KCNG3: variants seen among roughly 807,000 people sequenced by gnomAD.
KCNG3 encodes potassium voltage-gated channel modifier subfamily G member 3, also known as voltage-gated potassium channel regulatory subunit KCNG3.
In KCNG3, 15 loss-of-function variants were observed where a neutral mutation model predicts 29.0. The ratio of observed to expected loss-of-function variants is 0.52; its 90% CI spans 0.35 to 0.80. KCNG3 has a LOEUF of 0.80. Ranked by LOEUF, KCNG3 falls within the 30% of genes least tolerant of loss-of-function variation. The pLI, the probability that KCNG3 is intolerant of heterozygous loss-of-function variation, is 0.01. For missense variants in KCNG3, 512 were observed against 605.7 expected, an observed-to-expected ratio of 0.85 and a Z score of 1.62; for synonymous variants, 322 against 248.9, an observed-to-expected ratio of 1.29 and a Z score of -2.76.
At chr2:42,400,060 G>C in the KCNG3 span, among the ~76,000 whole-genome samples, 1 of 152,172 alleles carries the variant, frequency 6.6e-6, no homozygotes, top group Non-Finnish European at 1.5e-5. Flanking sequence ...AGTGAGCCAT[G>C]ATCACACCAC....
At chr2:42,420,090 G>A in the KCNG3 span, among the ~76,000 whole-genome samples, 1 of 152,166 alleles carries the variant, frequency 6.6e-6, no homozygotes. Context: ...CGGGCATGGT[G>A]GCGGGCCCCT....
chr2:42,450,401 T>C (rs1291973089), intron 1 of KCNG3, among the ~76,000 whole-genome samples: 1 of 152,142 alleles, frequency 6.6e-6, no homozygotes, highest in Non-Finnish European at 1.5e-5. Context: ...CTGCCAAAAT[T>C]CCTCATGTTT....
chr2:42,493,176 T>G lies in KCNG3; in HGVS notation c.326A>C (p.Glu109Ala). 1 of 1,608,990 alleles carries G rather than the reference T, an allele frequency of 6.2e-7. No individual in the cohort carries two copies. Among genetic ancestry groups the G allele is most frequent in the Non-Finnish European group, 8.5e-7 (1 of 1,179,772 alleles). Residue 109 changes from glutamate (E) to alanine (A), a missense_variant, in exon 1 of 2, where the codon GAG (glutamate) becomes GCG (alanine). Around this residue, in one of 5 missense-constraint regions of KCNG3, gnomAD observed 228 missense variants for 200.0 expected, o/e 1.14. Coordinates refer to ENST00000306078, the MANE Select transcript of KCNG3 (RefSeq NM_133329.6). ...GTCGAGGCGGCGCTGGCAGCAGTAC[T>G]CGAGGTGCGCGCCCTCCAGGCCCCA... ...IYWGLEGAHL[E>A]YCCQRRLDDR...
chr2:42,421,502 T>TA, the KCNG3 span, among the ~76,000 whole-genome samples: 44,143 of 152,042 alleles, frequency 0.29, 6,861 homozygotes, highest in East Asian at 0.57. Context: ...TCTTCTTTTT[T>TA]ATTATCTATA....
the KCNG3 span, among the ~76,000 whole-genome samples, chr2:42,416,818 C>CAA: frequency 4.7e-4 from 42 of 89,636 alleles, no homozygotes; most frequent in Admixed American, 4.4e-3. Flanking sequence ...TCCCCTGTCT[C>CAA]AAAAAAAAAA....
the KCNG3 span, chr2:42,425,053 G>A: frequency 5.3e-5 from 8 of 152,304 alleles, no homozygotes; most frequent in Non-Finnish European, 1.0e-4. Flanking sequence ...CTGGCGCTGC[G>A]GGCCTGCTTC....
At chr2:42,395,476 A>G in the KCNG3 span, among the ~76,000 whole-genome samples, 4 of 152,274 alleles carry the variant, frequency 2.6e-5, no homozygotes, top group East Asian at 7.7e-4. Flanking sequence ...ACAGGTGCGC[A>G]GGAGGAGCTG....
chr2:42,388,695 T>C, the KCNG3 span: 1 of 152,144 alleles, frequency 6.6e-6, no homozygotes, highest in African/African-American at 2.4e-5. Context: ...TTAACCTTAA[T>C]TACTTCCTAA....
chr2:42,428,439 T>G, the KCNG3 span, among the ~76,000 whole-genome samples: 3 of 120,154 alleles, frequency 2.5e-5, no homozygotes, highest in Admixed American at 1.1e-4. Context: ...CCAGTTGGGG[T>G]GAGAGAGACC....
the KCNG3 span, among the ~76,000 whole-genome samples, chr2:42,390,796 C>G: frequency 6.6e-6 from 1 of 152,240 alleles, no homozygotes; most frequent in African/African-American, 2.4e-5. Context: ...CCAGCATTCA[C>G]AGGCTGTTAT....
chr2:42,444,454 G>A lies in KCNG3; in HGVS notation c.791C>T (p.Pro264Leu). ...LNIIDLLAIT[P>L]YYISVLMTVF... Reference sequence around the variant, plus strand: ...TGTCATCAACACAGAGATGTAATACGGCGTGATTGCCAGTAAATCAATGAT... The same window carrying A: ...TGTCATCAACACAGAGATGTAATACAGCGTGATTGCCAGTAAATCAATGAT... The change falls in exon 2 of 2, where the codon CCG becomes CTG. Residue 264 changes from proline (P) to leucine (L), a missense_variant. This residue lies in a region of KCNG3 where 173 missense variants were observed against 262.4 expected (regional missense o/e 0.66). Coordinates refer to ENST00000306078, the MANE Select transcript of KCNG3 (RefSeq NM_133329.6). This position sits in a 1 kb window ranked among gnomAD's most constrained non-coding sequence, Gnocchi z 5.8. 2 of 1,614,132 alleles carry A rather than the reference G, an allele frequency of 1.2e-6. No individual in the cohort carries two copies. Among genetic ancestry groups the A allele is most frequent in the South Asian group, 2.2e-5 (2 of 91,076 alleles).
At chr2:42,471,161 T>A (rs1468103471) in intron 1 of KCNG3, among the ~76,000 whole-genome samples, 2 of 149,250 alleles carry the variant, frequency 1.3e-5, no homozygotes. Flanking sequence ...AAAAAGTGTG[T>A]GTGTGTGTGT....
At chr2:42,470,309 T>A (rs1673255654) in intron 1 of KCNG3, 2 of 302,816 alleles carry the variant, frequency 6.6e-6, no homozygotes, top group Admixed American at 4.5e-5. Context: ...GTTTAAATTT[T>A]AAAAAAATGT....
intron 1 of KCNG3, among the ~76,000 whole-genome samples, chr2:42,477,384 T>TACACACACACACAC (rs1210187032): frequency 0.012 from 1,192 of 101,806 alleles, 9 homozygotes; most frequent in East Asian, 0.045. Context: ...CACACACATA[T>TACACACACACACAC]ATATACACAC....
At chr2:42,394,180 A>G in the KCNG3 span, among the ~76,000 whole-genome samples, 1 of 152,208 alleles carries the variant, frequency 6.6e-6, no homozygotes, top group Non-Finnish European at 1.5e-5. Context: ...TTTATTGACC[A>G]GAACTGGGTC....
the KCNG3 span, among the ~76,000 whole-genome samples, chr2:42,433,390 G>T: frequency 6.6e-6 from 1 of 152,110 alleles, no homozygotes; most frequent in African/African-American, 2.4e-5. Flanking sequence ...ACTGGTGTGT[G>T]AGTCGGTGGG....
the KCNG3 span, among the ~76,000 whole-genome samples, chr2:42,396,746 C>G: frequency 6.6e-6 from 1 of 152,108 alleles, no homozygotes; most frequent in Non-Finnish European, 1.5e-5. Flanking sequence ...AGTGAGAATT[C>G]AAAGCCAAGG....
chr2:42,438,530 T>G (rs951782305), downstream of KCNG3, among the ~76,000 whole-genome samples: 1 of 152,204 alleles, frequency 6.6e-6, no homozygotes, highest in South Asian at 2.1e-4. Context: ...TATAGTCTTG[T>G]TGATATTTTA....
the KCNG3 span, among the ~76,000 whole-genome samples, chr2:42,400,766 T>C: frequency 6.6e-6 from 1 of 151,790 alleles, no homozygotes; most frequent in Non-Finnish European, 1.5e-5. Flanking sequence ...AAAAAGATTA[T>C]CCCACTGGAA....
Sources: gnomAD v4.1 joint callset for allele counts (sites outside exome capture counted in the v4.1 genomes callset) on GRCh38, gnomAD v4.1.1 for gene constraint, gnomAD v4.1.1 regional missense constraint, Gnocchi (gnomAD v3.1) non-coding constraint, MANE v1.5 for transcripts, NCBI Gene and HGNC (gene_info 2026-07-23, HGNC 2026-07-21) for gene names.